Variants in DYSF observed in about 807,000 individuals in gnomAD.
The protein encoded by DYSF is dysferlin, also known as dystrophy-associated fer-1-like 1.
DYSF carries 212 observed loss-of-function variants against 274.9 expected under a neutral mutation model. The observed-to-expected ratio is 0.77, with a 90% CI of 0.69 to 0.86. DYSF has a LOEUF of 0.86. Ranked by LOEUF, DYSF falls within the 40% of genes least tolerant of loss-of-function variation. DYSF has a pLI of 0.00. For synonymous variants in DYSF, 1,091 were observed against 1,078.7 expected, an observed-to-expected ratio of 1.01 and a Z score of -0.22; for missense variants, 2,666 against 2,783.2, an observed-to-expected ratio of 0.96 and a Z score of 0.95.
At chr2:71,618,132 T>G (rs1574390789) in intron 40 of DYSF, among the ~76,000 whole-genome samples, 3 of 63,110 alleles carry the variant, frequency 4.8e-5, no homozygotes, top group African/African-American at 7.0e-5. Context: ...GTGGTAGAGG[T>G]GGCGTGTGTG....
intron 1 of DYSF, chr2:71,454,175 T>G (rs1163338283): frequency 5.3e-6 from 7 of 1,315,264 alleles, no homozygotes; most frequent in African/African-American, 1.5e-5. Flanking sequence ...CACCTAGAGC[T>G]GAGAGACAGG....
At chr2:71,557,203 C>T (rs574155769) in intron 22 of DYSF, among the ~76,000 whole-genome samples, 5 of 152,174 alleles carry the variant, frequency 3.3e-5, no homozygotes, top group Admixed American at 6.5e-5. Flanking sequence ...AGGTAAAGTG[C>T]GTTAGGAAGT....
In DYSF at chr2:71,568,471, C is replaced by A. The variant is rs1364794225; in HGVS notation, c.2864+133C>A. ...CCTGCGCTGGTCATAGGAACTTCCG[C>A]TGAACTCTCCCAGGACTGAGGCTTG... On this transcript the variant is annotated intron_variant, in intron 26 of 55. Transcript: ENST00000410020. 2.5e-6 allele frequency: 3 copies of A among 1,219,592 alleles called. No homozygotes were observed. In the African/African-American group the frequency reaches 4.5e-5, roughly 18 times the overall value. 75.5% of individuals were successfully genotyped at this position (1,219,592 alleles called of 1,614,324 possible). A position where few individuals can be genotyped will look rare whatever the true frequency, so the allele number is the denominator to read the frequency against.
At chr2:71,539,432 G>A (rs780298795) in intron 17 of DYSF, among the ~76,000 whole-genome samples, 193 bp downstream of exon 17, 1 of 152,168 alleles carries the variant, frequency 6.6e-6, no homozygotes, top group Non-Finnish European at 1.5e-5. Flanking sequence ...CTCCACACTT[G>A]GATTGTGGGA....
chr2:71,621,258 A>G (rs13389897), intron 41 of DYSF, among the ~76,000 whole-genome samples: 4,229 of 152,194 alleles, frequency 0.028, 164 homozygotes, highest in African/African-American at 0.091. Context: ...GGGTGGCGTA[A>G]GAGACAGAAC....
Position 71,520,762 on chromosome 2 carries a change from A to C in DYSF, c.1034-27A>C, listed in dbSNP as rs114703564. 1.3e-4 allele frequency: 209 copies of C among 1,606,678 alleles called. 1 individual carries two copies. The South Asian group carries it at 2.2e-3, about 17-fold the overall frequency. ...CAGCCTGGGGTCTTCTGATTCTGGG[A>C]TCACCAGAGGATGTTGTCTCTCTTA... On this transcript the variant is annotated intron_variant, in intron 11 of 55. Coordinates refer to ENST00000410020, the MANE Select transcript of DYSF (RefSeq NM_001130987.2).
In DYSF at chr2:71,565,246, C is replaced by CTTTTTTTTTTTT. The variant is rs796705736; in HGVS notation, c.2565+1040_2565+1051dup. 4.5e-3 allele frequency among the ~76,000 whole-genome samples: 584 copies of CTTTTTTTTTTTT among 131,160 alleles called. 2 individuals carry two copies. The highest frequency in any genetic ancestry group is 8.2e-3 in the Non-Finnish European group (504 of 61,580). 86.0% of individuals were successfully genotyped at this position (131,160 alleles called of 152,430 possible). A position where few individuals can be genotyped will look rare whatever the true frequency, so the allele number is the denominator to read the frequency against. On this transcript the variant is annotated intron_variant, in intron 24 of 55. Coordinates refer to ENST00000410020, the MANE Select transcript of DYSF (RefSeq NM_001130987.2). ...TAGGCGTTTGCCAACCCACCCAGCT[C>CTTTTTTTTTTTT]TTTTTTTTTTTTTTTTTTAATTTTA... is the stretch of plus-strand genomic sequence containing the variant.
intron 1 of DYSF, among the ~76,000 whole-genome samples, chr2:71,455,164 T>G (rs2152622909): frequency 6.6e-6 from 1 of 152,324 alleles, no homozygotes; most frequent in East Asian, 1.9e-4. Flanking sequence ...CCCAGGCACA[T>G]GCACACCCTG....
chr2:71,501,291 T>C (rs2152712214), intron 3 of DYSF, among the ~76,000 whole-genome samples: 1 of 152,326 alleles, frequency 6.6e-6, no homozygotes, highest in Non-Finnish European at 1.5e-5. Context: ...TTACATTTAC[T>C]GCCTTGCTAG....
chr2:71,652,310 G>A (rs919372676), intron 42 of DYSF, among the ~76,000 whole-genome samples: 15 of 152,144 alleles, frequency 9.9e-5, no homozygotes, highest in African/African-American at 2.2e-4. Context: ...GAAACGGGTC[G>A]TTCATTTTAG....
chr2:71,610,490 C>T (rs2152873424), intron 36 of DYSF, among the ~76,000 whole-genome samples: 1 of 152,298 alleles, frequency 6.6e-6, no homozygotes, highest in South Asian at 2.1e-4. Flanking sequence ...GCCTCCCTTG[C>T]CCCACCTTGC....
chr2:71,667,593 G>A, intron 48 of DYSF, 78 bp downstream of exon 48: 2 of 1,591,492 alleles, frequency 1.3e-6, no homozygotes, highest in Non-Finnish European at 1.7e-6. Flanking sequence ...GGATATCCCA[G>A]AGGAGCCAGT....
rs967378649 is a variant in DYSF, at chr2:71,473,694, T to C, written c.91+6761T>C. On this transcript the variant is annotated intron_variant, in intron 1 of 55. Coordinates refer to ENST00000410020, the MANE Select transcript of DYSF (RefSeq NM_001130987.2). ...GGCCCACCACCTGTGTCCATTCCAT[T>C]TCCCACCTGGACTTAAAAAAAATTG... Among the ~76,000 whole-genome samples the C allele has an allele frequency of 3.3e-5, 5 of 152,172 alleles. No homozygotes were observed. In the South Asian group the frequency reaches 1.0e-3, roughly 32 times the overall value.
Position 71,528,734 on chromosome 2 carries a change from A to G in DYSF, c.1380+333A>G, listed in dbSNP as rs1021099145. ...AAACCAGACATGAAGGCATAAAGAT[A>G]GAGAAACTATATTTTAAAGATGTGG... On this transcript the variant is annotated intron_variant, in intron 14 of 55. Transcript: ENST00000410020. Among the ~76,000 whole-genome samples, 5 of 152,356 alleles carry G rather than the reference A, an allele frequency of 3.3e-5. No homozygotes were observed. In the East Asian group the frequency reaches 9.6e-4, roughly 29 times the overall value.
intron 40 of DYSF, among the ~76,000 whole-genome samples, chr2:71,619,584 A>G (rs553949123): frequency 6.6e-6 from 1 of 152,152 alleles, no homozygotes; most frequent in South Asian, 2.1e-4. Context: ...CCCCTGCTCA[A>G]GGCTTAGAGG....
chr2:71,546,439 A>T (rs1041597762), intron 17 of DYSF, among the ~76,000 whole-genome samples: 2 of 152,320 alleles, frequency 1.3e-5, no homozygotes, highest in Admixed American at 1.3e-4. Flanking sequence ...TTTTGTTTCC[A>T]GTGAGGGCAA....
chr2:71,493,678 C>T (rs1394524485), intron 3 of DYSF, among the ~76,000 whole-genome samples: 1 of 151,586 alleles, frequency 6.6e-6, no homozygotes, highest in East Asian at 1.9e-4. Context: ...ATGGTGAAAC[C>T]CCGTCACTAC....
intron 45 of DYSF, 110 bp from the exon 46 acceptor site, chr2:71,664,158 G>A: frequency 7.2e-7 from 1 of 1,389,724 alleles, no homozygotes; most frequent in South Asian, 1.2e-5. Context: ...AGATCTGTAG[G>A]GGGCCCAAGG....
At chr2:71,624,577 T>C (rs190729365) in intron 41 of DYSF, among the ~76,000 whole-genome samples, 2 of 152,276 alleles carry the variant, frequency 1.3e-5, no homozygotes, top group South Asian at 2.1e-4. Flanking sequence ...ACTTAAATTA[T>C]GCAATTTGGA....
Sources: allele counts gnomAD v4.1 joint callset (sites outside exome capture counted in the v4.1 genomes callset), GRCh38; gene constraint gnomAD v4.1.1; transcripts MANE v1.5; gene names NCBI Gene and HGNC (gene_info 2026-07-23, HGNC 2026-07-21).